RERE: variants seen among roughly 807,000 people sequenced by gnomAD.
RERE encodes the protein arginine-glutamic acid dipeptide repeats, also known as arginine-glutamic acid dipeptide repeats protein.
Under a neutral mutation model 146.1 loss-of-function variants are expected in RERE, and 40 were observed. That is an observed-to-expected ratio of 0.27 (90% confidence interval 0.21 to 0.36). RERE has a LOEUF of 0.36. Ranked by LOEUF, RERE falls within the 10% of genes least tolerant of loss-of-function variation. The probability of loss-of-function intolerance (pLI) is 1.00; values close to 1 mark genes in which losing one functional copy is unlikely to be tolerated. For synonymous variants in RERE, 1,003 were observed against 866.0 expected, an observed-to-expected ratio of 1.16 and a Z score of -2.78; for missense variants, 1,933 against 2,138.7, an observed-to-expected ratio of 0.90 and a Z score of 1.90.
chr1:8,764,855 G>A (rs925969904), intron 1 of RERE, among the ~76,000 whole-genome samples: 5 of 152,190 alleles, frequency 3.3e-5, no homozygotes, highest in Non-Finnish European at 5.9e-5. Context: ...GTAAGTATTA[G>A]TGCTAATGTG....
intron 6 of RERE, among the ~76,000 whole-genome samples, chr1:8,544,499 T>A (rs904511465): frequency 6.6e-6 from 1 of 152,126 alleles, no homozygotes; most frequent in East Asian, 1.9e-4. Flanking sequence ...AAAAATTAAA[T>A]GTTGAGTATA....
In RERE at chr1:8,352,573, G is replaced by A. The variant is rs1464994013; in HGVS notation, c.*2514C>T. On this transcript the variant is annotated 3_prime_UTR_variant, in exon 23 of 23. Transcript: ENST00000400908. Reference sequence around the variant, plus strand: ...ATTTAGCTTCAAGATATATAGAAACGTAGCAAATCCGAGTGTGCACGCTGC... The same window carrying A: ...ATTTAGCTTCAAGATATATAGAAACATAGCAAATCCGAGTGTGCACGCTGC... 6.6e-6 allele frequency: 1 copy of A among 152,350 alleles called. No individual in the cohort carries two copies. The highest frequency in any genetic ancestry group is 1.5e-5 in the Non-Finnish European group (1 of 68,034). The allele number at this position is 152,350 out of a possible 1,614,324, so 9.4% of individuals were successfully genotyped here. A position where few individuals can be genotyped will look rare whatever the true frequency, so the allele number is the denominator to read the frequency against.
At chr1:8,409,856 A>C (rs1360575546) in intron 12 of RERE, among the ~76,000 whole-genome samples, 1 of 150,866 alleles carries the variant, frequency 6.6e-6, no homozygotes, top group Non-Finnish European at 1.5e-5. Context: ...AGAGCCTACT[A>C]TTTCATGCAT....
chr1:8,603,087 G>A (rs992333497), intron 4 of RERE, among the ~76,000 whole-genome samples: 14 of 152,236 alleles, frequency 9.2e-5, no homozygotes, highest in Admixed American at 9.2e-4. Context: ...GTGGAGAGGA[G>A]AGGCTCACTT....
chr1:8,605,142 C>CT (rs899022983), intron 4 of RERE, among the ~76,000 whole-genome samples: 7 of 152,008 alleles, frequency 4.6e-5, no homozygotes, highest in African/African-American at 1.2e-4. Flanking sequence ...CAACTTTTTT[C>CT]TTTTTTTTCC....
chr1:8,651,317 G>A (rs368107188), intron 2 of RERE, among the ~76,000 whole-genome samples: 171 of 152,222 alleles, frequency 1.1e-3, no homozygotes, highest in African/African-American at 4.0e-3. Context: ...GGCTGAGGCA[G>A]GAGAAGCAAT....
intron 4 of RERE, among the ~76,000 whole-genome samples, chr1:8,558,339 G>T (rs1308511226): frequency 6.6e-6 from 1 of 152,192 alleles, no homozygotes; most frequent in Non-Finnish European, 1.5e-5. Context: ...GCTGCAGCTT[G>T]CAAAAGATCA....
At chr1:8,772,859 C>G (rs968738412) in intron 1 of RERE, among the ~76,000 whole-genome samples, 4 of 152,250 alleles carry the variant, frequency 2.6e-5, no homozygotes, top group African/African-American at 4.8e-5. Context: ...AAGGCTGAGG[C>G]AGGTGGATCA....
intron 12 of RERE, among the ~76,000 whole-genome samples, chr1:8,386,492 C>G (rs527385827): frequency 6.6e-6 from 1 of 150,734 alleles, no homozygotes; most frequent in Non-Finnish European, 1.5e-5. Context: ...CCAGCCAAGA[C>G]AGAATCCCAA....
At chr1:8,588,512 T>A (rs1369634356) in intron 4 of RERE, among the ~76,000 whole-genome samples, 1 of 152,128 alleles carries the variant, frequency 6.6e-6, no homozygotes, top group Non-Finnish European at 1.5e-5. Flanking sequence ...ACTGACTCTA[T>A]GAGGAGTGAC....
chr1:8,721,421 C>A (rs548111184), intron 1 of RERE, among the ~76,000 whole-genome samples: 2 of 152,286 alleles, frequency 1.3e-5, no homozygotes, highest in Non-Finnish European at 2.9e-5. Flanking sequence ...AAGCAGTTCT[C>A]CTGCCTCAGC....
intron 4 of RERE, among the ~76,000 whole-genome samples, chr1:8,576,509 A>G (rs1479697520): frequency 6.6e-6 from 1 of 152,220 alleles, no homozygotes; most frequent in Non-Finnish European, 1.5e-5. Context: ...GGAAAGATGA[A>G]CTATTTAATG....
intron 2 of RERE, among the ~76,000 whole-genome samples, chr1:8,626,334 T>C (rs558977358): frequency 6.6e-6 from 1 of 152,330 alleles, no homozygotes; most frequent in East Asian, 1.9e-4. Context: ...TTACTCACCT[T>C]ACTCAACTCA....
chr1:8,356,202 C>T lies in RERE; in HGVS notation c.4384G>A (p.Gly1462Ser), dbSNP rs761746189. ...TAGGGGAAGCGAGCCAGGTGGGGACCGGCAGTCAGGGGGTCGACCAGCGGG... is the reference window on the plus strand; with the variant it reads ...TAGGGGAAGCGAGCCAGGTGGGGACTGGCAGTCAGGGGGTCGACCAGCGGG... ...VHPLVDPLTAGPHLARFPYPP... is the reference protein window; with the variant it reads ...VHPLVDPLTASPHLARFPYPP... The change falls in exon 21 of 23, where the codon GGT becomes AGT. Residue 1462 changes from glycine (G) to serine (S), a missense_variant. Physicochemically the swap from Gly to Ser is moderately conservative, Grantham distance 56. Coordinates refer to ENST00000400908, the MANE Select transcript of RERE (RefSeq NM_001042681.2). This position sits in a 1 kb window ranked among gnomAD's most constrained non-coding sequence, Gnocchi z 5.2. 1.4e-5 allele frequency: 22 copies of T among 1,522,308 alleles called. No homozygotes were observed. Among genetic ancestry groups the T allele is most frequent in the Non-Finnish European group, 1.9e-5 (22 of 1,146,172 alleles). The allele number at this position is 1,522,308 out of a possible 1,614,324, so 94.3% of individuals were successfully genotyped here.
intron 4 of RERE, among the ~76,000 whole-genome samples, chr1:8,601,764 C>CACACACACACACACACAA (rs1557427415): frequency 6.6e-6 from 1 of 151,186 alleles, no homozygotes; most frequent in Non-Finnish European, 1.5e-5. Context: ...CACACACACA[C>CACACACACACACACACAA]ACACACACAC....
At chr1:8,517,210 G>A (rs1479630666) in intron 7 of RERE, among the ~76,000 whole-genome samples, 3 of 152,114 alleles carry the variant, frequency 2.0e-5, no homozygotes, top group African/African-American at 7.2e-5. Context: ...AAATGAAGGG[G>A]GGGATATACT....
chr1:8,746,896 G>A (rs1337080611), intron 1 of RERE, among the ~76,000 whole-genome samples: 2 of 150,412 alleles, frequency 1.3e-5, no homozygotes, highest in African/African-American at 4.9e-5. Flanking sequence ...GAGAGAGAGA[G>A]AGAAAGGGAG....
At chr1:8,403,296 A>T (rs1304129512) in intron 12 of RERE, among the ~76,000 whole-genome samples, 3 of 152,094 alleles carry the variant, frequency 2.0e-5, no homozygotes, top group South Asian at 2.1e-4. Context: ...TCCTATCATA[A>T]AACTTTTCAC....
chr1:8,635,007 T>A (rs1197609508), intron 2 of RERE, among the ~76,000 whole-genome samples: 1 of 152,214 alleles, frequency 6.6e-6, no homozygotes. Flanking sequence ...AGTGCTGGGA[T>A]TAGAGGCGTG....
Sources: allele counts gnomAD v4.1 joint callset (sites outside exome capture counted in the v4.1 genomes callset), GRCh38; gene constraint gnomAD v4.1.1; non-coding constraint Gnocchi (gnomAD v3.1); transcripts MANE v1.5; gene names NCBI Gene and HGNC (gene_info 2026-07-23, HGNC 2026-07-21).